Variants in BNIP5 observed in about 807,000 individuals in gnomAD.
BNIP5 encodes the protein protein BNIP5.
BNIP5 carries 61 observed loss-of-function variants against 67.3 expected under a neutral mutation model. The observed-to-expected ratio is 0.91, with a 90% CI of 0.74 to 1.12. The LOEUF (loss-of-function observed/expected upper bound fraction) is 1.12, where lower values mean the gene tolerates loss of function less well. Among genes scored for constraint, BNIP5 ranks in the 50% most tolerant of loss-of-function variants. BNIP5 has a pLI of 0.00. For missense variants in BNIP5, 826 were observed against 816.3 expected (o/e 1.01, Z -0.14); for synonymous variants, 317 against 319.0 (o/e 0.99, Z 0.07).
chr6:36,333,479 C>T (rs1263224658), intron 1 of BNIP5, among the ~76,000 whole-genome samples: 1 of 152,200 alleles, frequency 6.6e-6, no homozygotes, highest in African/African-American at 2.4e-5. Context: ...CAGGGTAGGA[C>T]AAGGAGAAGA....
chr6:36,317,174 G>A lies in BNIP5; in HGVS notation c.*182C>T, dbSNP rs1771538082. ...AGACATGGCCTCTGTGTCTTGCCTT[G>A]TGGAAGAATGCTCTGTGCTTCTCAG... is the stretch of plus-strand genomic sequence containing the variant. On this transcript the variant is annotated 3_prime_UTR_variant, in exon 12 of 12. Coordinates refer to ENST00000437635, the MANE Select transcript of BNIP5 (RefSeq NM_001010903.5). The A allele has an allele frequency of 3.1e-6, 2 of 635,906 alleles. No homozygotes were observed. The highest frequency in any genetic ancestry group is 3.1e-4 in the Middle Eastern group (1 of 3,216). 39.4% of individuals were successfully genotyped at this position (635,906 alleles called of 1,614,324 possible). A position where few individuals can be genotyped will look rare whatever the true frequency, so the allele number is the denominator to read the frequency against.
intron 2 of BNIP5, among the ~76,000 whole-genome samples, chr6:36,329,114 A>G (rs1771828733): frequency 6.6e-6 from 1 of 152,218 alleles, no homozygotes; most frequent in Non-Finnish European, 1.5e-5. Flanking sequence ...CAAAAGTTCT[A>G]GAGGGAGCAG....
intron 5 of BNIP5, among the ~76,000 whole-genome samples, chr6:36,325,790 G>C (rs1156930945): frequency 6.6e-6 from 1 of 152,100 alleles, no homozygotes; most frequent in Non-Finnish European, 1.5e-5. Flanking sequence ...GGTGTTAAGC[G>C]TCACTCCCTC....
rs743852 is a variant in BNIP5, at chr6:36,319,535, G to A, written c.1744C>T (p.Leu582=). The change falls in exon 11 of 12, where the codon CTG becomes TTG. Residue 582 remains leucine, a synonymous_variant. Transcript: ENST00000437635. ...GAGGAGTGAGCCACCTGGCTGCGCA[G>A]GGTGGCTACCAGCTTGCTGAGGGAG... ...DSSLSKLVAT[L]RSQVAHSSKL... is the part of the protein sequence containing the mutation. 6.2e-7 allele frequency: 1 copy of A among 1,613,844 alleles called. No individual in the cohort carries two copies.
At chr6:36,324,055 G>T in intron 7 of BNIP5, 74 bp downstream of exon 7, 1 of 1,072,446 alleles carries the variant, frequency 9.3e-7, no homozygotes, top group Non-Finnish European at 1.5e-6. Context: ...AGCAGAGACA[G>T]GGAAGTTGTT....
At chr6:36,325,474 C>T (rs1403465077) in intron 5 of BNIP5, 60 bp from the exon 6 acceptor site, 4 of 1,546,060 alleles carry the variant, frequency 2.6e-6, no homozygotes, top group Non-Finnish European at 3.5e-6. Flanking sequence ...TAACTATGCA[C>T]AGAAGCTAGC....
chr6:36,320,528 G>A (rs543087823), intron 10 of BNIP5, among the ~76,000 whole-genome samples: 64 of 152,358 alleles, frequency 4.2e-4, no homozygotes, highest in African/African-American at 1.5e-3. Flanking sequence ...CTGGCAGCTG[G>A]ATGGGCCAGC....
chr6:36,335,285 C>T (rs934103507), intron 1 of BNIP5, among the ~76,000 whole-genome samples: 3 of 152,200 alleles, frequency 2.0e-5, no homozygotes, highest in South Asian at 2.1e-4. Context: ...GATAACTTCG[C>T]GGCTCCCCTT....
chr6:36,318,629 G>A (rs1249412942), intron 11 of BNIP5, among the ~76,000 whole-genome samples: 12 of 152,056 alleles, frequency 7.9e-5, no homozygotes, highest in Admixed American at 7.9e-4. Flanking sequence ...GGCTGAGGTG[G>A]GAGGATCATC....
chr6:36,335,563 T>A (rs1771995683), intron 1 of BNIP5, among the ~76,000 whole-genome samples: 1 of 152,226 alleles, frequency 6.6e-6, no homozygotes, highest in Non-Finnish European at 1.5e-5. Flanking sequence ...CTAAATTCCA[T>A]GAGAGGGGAC....
chr6:36,320,288 C>A (rs1036949397), intron 10 of BNIP5, among the ~76,000 whole-genome samples: 1 of 152,156 alleles, frequency 6.6e-6, no homozygotes, highest in Non-Finnish European at 1.5e-5. Context: ...AATGGGAAGG[C>A]GGCCCAGGGG....
chr6:36,325,259 T>TGAGAAAAA (rs751707009), intron 6 of BNIP5, 24 bp downstream of exon 6: 1 of 1,612,690 alleles, frequency 6.2e-7, no homozygotes, highest in East Asian at 2.2e-5. Flanking sequence ...AAGGGGTGTC[T>TGAGAAAAA]GAGAAAAAGA....
chr6:36,336,822 G>T lies in BNIP5; in HGVS notation c.-115C>A, dbSNP rs1359994422. 1 of 152,290 alleles carries T rather than the reference G, an allele frequency of 6.6e-6. No individual in the cohort carries two copies. The highest frequency in any genetic ancestry group is 1.9e-4 in the East Asian group (1 of 5,200). The allele number at this position is 152,290 out of a possible 1,614,324, so 9.4% of individuals were successfully genotyped here. A position where few individuals can be genotyped will look rare whatever the true frequency, so the allele number is the denominator to read the frequency against. On this transcript the variant is annotated 5_prime_UTR_variant, in exon 1 of 12. Transcript: ENST00000437635. ...GTCAGCTGGAAGTTGTGTCCAGTGA[G>T]AAGTCAGACCCAGCTCTCCCAGGGA...
In BNIP5 at chr6:36,317,262, G is replaced by T; in HGVS notation, c.*94C>A. 2.1e-6 allele frequency: 2 copies of T among 951,408 alleles called. No homozygotes were observed. The highest frequency in any genetic ancestry group is 1.3e-5 in the South Asian group (1 of 77,776). 58.9% of individuals were successfully genotyped at this position (951,408 alleles called of 1,614,324 possible). On this transcript the variant is annotated 3_prime_UTR_variant, in exon 12 of 12. Transcript: ENST00000437635. ...GTCTTCCATCACGTTTGTGAAGCAG[G>T]GATTGGGACATCACAGAGCATCTTC...
intron 1 of BNIP5, among the ~76,000 whole-genome samples, chr6:36,334,741 G>A (rs57203025): frequency 2.6e-4 from 39 of 152,224 alleles, no homozygotes; most frequent in Middle Eastern, 3.4e-3. Flanking sequence ...AAATTAAACC[G>A]TTCAAGACTT....
chr6:36,329,871 GAGAA>G (rs1199085600), intron 2 of BNIP5, among the ~76,000 whole-genome samples: 1 of 149,958 alleles, frequency 6.7e-6, no homozygotes, highest in Non-Finnish European at 1.5e-5. Context: ...AGAGAAAAGA[GAGAA>G]AGAAGAAGGA....
At position 36,325,238 on chromosome 6, in the gene BNIP5, A is replaced by T. The variant is rs188223520; in HGVS notation, c.1168+45T>A. On this transcript the variant is annotated intron_variant, in intron 6 of 11. Transcript: ENST00000437635. ...TCTTTGCAAGTGGGGGAGTCAGAAC[A>T]GAAGTTTTGCAAGGGGTGTCTGAGA... The T allele has an allele frequency of 1.0e-4, 160 of 1,605,340 alleles. No individual in the cohort carries two copies. In the African/African-American group the frequency reaches 1.9e-3, roughly 19 times the overall value.
At chr6:36,328,050 GATGAATAGGGGATT>G (rs1359865440) in intron 3 of BNIP5, among the ~76,000 whole-genome samples, 4 of 152,168 alleles carry the variant, frequency 2.6e-5, no homozygotes, top group Admixed American at 1.3e-4. Flanking sequence ...CAGGGAATTA[GATGAATAGGGGATT>G]ATGCTCCATT....
At chr6:36,324,067 C>T (rs1771698566) in intron 7 of BNIP5, 62 bp downstream of exon 7, 1 of 1,239,738 alleles carries the variant, frequency 8.1e-7, no homozygotes, top group Non-Finnish European at 1.2e-6. Flanking sequence ...GAAGTTGTTA[C>T]ACCAGGCAGG....
Sources: allele counts gnomAD v4.1 joint callset (sites outside exome capture counted in the v4.1 genomes callset), GRCh38; gene constraint gnomAD v4.1.1; transcripts MANE v1.5; gene names NCBI Gene and HGNC (gene_info 2026-07-23, HGNC 2026-07-21).